Variants in CADPS2 observed in about 807,000 individuals in gnomAD.
CADPS2 encodes the protein calcium-dependent secretion activator 2.
In CADPS2, 93 loss-of-function variants were observed where a neutral mutation model predicts 172.5. The observed-to-expected ratio is 0.54, with a 90% CI of 0.46 to 0.64. The LOEUF is 0.64. CADPS2 is among the 30% of genes least tolerant of loss of function. The probability of loss-of-function intolerance (pLI) is 0.00; values close to 1 mark genes in which losing one functional copy is unlikely to be tolerated. For missense variants in CADPS2, 1,420 were observed against 1,565.9 expected (o/e 0.91, Z 1.57); for synonymous variants, 546 against 555.2 (o/e 0.98, Z 0.23).
chr7:122,493,625 G>A (rs2058489339), intron 9 of CADPS2, among the ~76,000 whole-genome samples: 1 of 152,084 alleles, frequency 6.6e-6, no homozygotes, highest in South Asian at 2.1e-4. Context: ...AGGCAATCTG[G>A]CAACAGGTTC....
Position 122,554,272 on chromosome 7 carries a change from G to A in CADPS2, c.1475+278C>T, listed in dbSNP as rs572231405. Among the ~76,000 whole-genome samples, 347 of 152,112 alleles carry A rather than the reference G, an allele frequency of 2.3e-3. 2 individuals carry two copies. In the South Asian group the frequency reaches 0.034, roughly 15 times the overall value. On this transcript the variant is annotated intron_variant, in intron 8 of 29. Coordinates refer to ENST00000449022, the MANE Select transcript of CADPS2 (RefSeq NM_017954.11). ...TTTCTTAGAAGGTATCAGTGCCCTGGTGCCCTGTATCAATATGACTGATGA... is the reference window on the plus strand; with the variant it reads ...TTTCTTAGAAGGTATCAGTGCCCTGATGCCCTGTATCAATATGACTGATGA...
intron 14 of CADPS2, among the ~76,000 whole-genome samples, chr7:122,454,915 A>T (rs1175366495): frequency 6.6e-6 from 1 of 152,164 alleles, no homozygotes; most frequent in African/African-American, 2.4e-5. Context: ...GTACGCAGGC[A>T]GCCTCTTGGT....
At chr7:122,400,260 A>T (rs561432917) in intron 20 of CADPS2, among the ~76,000 whole-genome samples, 1 of 151,700 alleles carries the variant, frequency 6.6e-6, no homozygotes, top group Admixed American at 6.6e-5. Flanking sequence ...ACATGCAGAA[A>T]CTCCATCTCT....
At chr7:122,439,087 C>A (rs1209118103) in intron 16 of CADPS2, among the ~76,000 whole-genome samples, 1 of 152,036 alleles carries the variant, frequency 6.6e-6, no homozygotes, top group East Asian at 1.9e-4. Flanking sequence ...TACATAAAAA[C>A]TTTCTATGGT....
At chr7:122,322,639 A>G (rs2032829974) in intron 29 of CADPS2, among the ~76,000 whole-genome samples, 1 of 152,212 alleles carries the variant, frequency 6.6e-6, no homozygotes, top group Non-Finnish European at 1.5e-5. Context: ...CATTTTGACT[A>G]TTTGAGGGTT....
chr7:122,619,327 A>C (rs1307463769), intron 5 of CADPS2, among the ~76,000 whole-genome samples: 1 of 152,074 alleles, frequency 6.6e-6, no homozygotes, highest in African/African-American at 2.4e-5. Flanking sequence ...TTTTTTCATC[A>C]ATAAATTTAA....
chr7:122,646,299 A>G (rs2078547627), intron 3 of CADPS2, among the ~76,000 whole-genome samples: 1 of 152,118 alleles, frequency 6.6e-6, no homozygotes. Context: ...ACAAGCATTA[A>G]TATTTATTTG....
At chr7:122,568,786 T>C (rs988304721) in intron 7 of CADPS2, among the ~76,000 whole-genome samples, 1 of 152,150 alleles carries the variant, frequency 6.6e-6, no homozygotes, top group African/African-American at 2.4e-5. Flanking sequence ...TGAAGATTTC[T>C]TAGATACAGC....
intron 27 of CADPS2, 73 bp from the exon 28 acceptor site, chr7:122,345,754 C>T (rs2037506080): frequency 1.0e-6 from 1 of 975,868 alleles, no homozygotes; most frequent in Non-Finnish European, 1.6e-6. Flanking sequence ...TTAATCATAC[C>T]CTGAAAAATA....
At chr7:122,497,461 C>G (rs947793831) in intron 9 of CADPS2, among the ~76,000 whole-genome samples, 3 of 152,144 alleles carry the variant, frequency 2.0e-5, no homozygotes, top group Non-Finnish European at 4.4e-5. Context: ...TTTCTTTTCT[C>G]TCACTGATTC....
chr7:122,672,650 T>A (rs2081977237), intron 2 of CADPS2, among the ~76,000 whole-genome samples: 1 of 152,140 alleles, frequency 6.6e-6, no homozygotes, highest in Non-Finnish European at 1.5e-5. Context: ...CCTTTACTCC[T>A]TTTCTCTCCC....
At chr7:122,631,480 T>C (rs1388718805) in intron 3 of CADPS2, among the ~76,000 whole-genome samples, 1 of 152,148 alleles carries the variant, frequency 6.6e-6, no homozygotes, top group Non-Finnish European at 1.5e-5. Flanking sequence ...GTTCTCGCTA[T>C]GTTGCCCAGG....
intron 3 of CADPS2, among the ~76,000 whole-genome samples, chr7:122,645,231 G>GTATA (rs201301272): frequency 1.3e-4 from 2 of 15,570 alleles, no homozygotes; most frequent in South Asian, 6.8e-3. Flanking sequence ...TATACGCTAA[G>GTATA]TATATATATA....
At position 122,593,925 on chromosome 7, in the gene CADPS2, C is replaced by G. The variant is rs1264070701; in HGVS notation, c.1224-12635G>C. 3.3e-5 allele frequency among the ~76,000 whole-genome samples: 5 copies of G among 152,094 alleles called. No individual in the cohort carries two copies. In the South Asian group the frequency reaches 1.0e-3, roughly 32 times the overall value. ...TTACAAACTGAGATTTACTTTTAAT[C>G]TTAATGTATTTTTGTATATCATCTT... On this transcript the variant is annotated intron_variant, in intron 6 of 29. Coordinates refer to ENST00000449022, the MANE Select transcript of CADPS2 (RefSeq NM_017954.11).
chr7:122,581,058 A>G (rs1452092904), intron 7 of CADPS2, 121 bp downstream of exon 7: 1 of 678,812 alleles, frequency 1.5e-6, no homozygotes, highest in African/African-American at 1.8e-5. Context: ...GGGAAATAAC[A>G]AATTATTTTA....
intron 1 of CADPS2, among the ~76,000 whole-genome samples, chr7:122,800,716 T>G (rs1203523245): frequency 6.6e-6 from 1 of 152,114 alleles, no homozygotes; most frequent in Non-Finnish European, 1.5e-5. Flanking sequence ...CAGCTGGGTG[T>G]GGTGGCTCAC....
intron 1 of CADPS2, among the ~76,000 whole-genome samples, chr7:122,797,522 A>T (rs1418228514): frequency 2.0e-5 from 3 of 152,226 alleles, no homozygotes; most frequent in Non-Finnish European, 4.4e-5. Context: ...CACCATAAAA[A>T]AGAACAAGAT....
At chr7:122,366,507 A>G (rs980236820) in intron 25 of CADPS2, among the ~76,000 whole-genome samples, 2 of 150,246 alleles carry the variant, frequency 1.3e-5, no homozygotes, top group Non-Finnish European at 3.0e-5. Flanking sequence ...CAGGAGGCTG[A>G]GGCAGGAGAA....
intron 1 of CADPS2, among the ~76,000 whole-genome samples, chr7:122,789,476 T>A (rs1794794478): frequency 6.6e-6 from 1 of 152,116 alleles, no homozygotes; most frequent in Non-Finnish European, 1.5e-5. Context: ...GGGATATCTG[T>A]TAAGGAATAT....
Sources: allele counts gnomAD v4.1 joint callset (sites outside exome capture counted in the v4.1 genomes callset), GRCh38; gene constraint gnomAD v4.1.1; transcripts MANE v1.5; gene names NCBI Gene and HGNC (gene_info 2026-07-23, HGNC 2026-07-21).